FSTL5: variants seen among roughly 807,000 people sequenced by gnomAD.
FSTL5 encodes follistatin like 5, also known as follistatin-related protein 5.
Under a neutral mutation model 89.1 loss-of-function variants are expected in FSTL5, and 62 were observed. That is an observed-to-expected ratio of 0.70 (90% CI 0.57 to 0.86). The LOEUF (loss-of-function observed/expected upper bound fraction) is 0.86. Among genes scored for constraint, FSTL5 ranks in the 40% least tolerant of loss-of-function variants. The pLI is 0.00. For synonymous variants in FSTL5, 383 were observed against 346.2 expected, an observed-to-expected ratio of 1.11 and a Z score of -1.18; for missense variants, 1,057 against 1,001.6, an observed-to-expected ratio of 1.06 and a Z score of -0.75.
intron 15 of FSTL5, among the ~76,000 whole-genome samples, chr4:161,404,816 A>C (rs945897060): frequency 4.6e-5 from 7 of 152,028 alleles, no homozygotes; most frequent in Admixed American, 1.3e-4. Context: ...AAAGTTATGC[A>C]ATATATAAAA....
chr4:161,656,469 T>C lies in FSTL5; in HGVS notation c.753A>G (p.Glu251=), dbSNP rs1385078566. The stretch of plus-strand genomic sequence containing the variant: ...CTGCAGTGATGCTTAGTTTCTGATC[T>C]TCTGGCAGACTCAACTGGATCACTT... ...AFQVIQLSLP[E]DQKLSITAAT... The change falls in exon 7 of 16, where the codon GAA becomes GAG. Residue 251 remains glutamate, a synonymous_variant. Coordinates refer to ENST00000306100, the MANE Select transcript of FSTL5 (RefSeq NM_020116.5). 6.3e-7 allele frequency: 1 copy of C among 1,595,030 alleles called. No individual in the cohort carries two copies. The highest frequency in any genetic ancestry group is 8.5e-7 in the Non-Finnish European group (1 of 1,171,786).
chr4:161,878,139 A>C (rs1304709406), intron 4 of FSTL5, among the ~76,000 whole-genome samples: 1 of 152,124 alleles, frequency 6.6e-6, no homozygotes, highest in African/African-American at 2.4e-5. Flanking sequence ...ACACGGAACT[A>C]AGTAACATCT....
chr4:161,665,953 AG>A (rs2126692584), intron 6 of FSTL5, among the ~76,000 whole-genome samples: 1 of 152,244 alleles, frequency 6.6e-6, no homozygotes, highest in East Asian at 1.9e-4. Flanking sequence ...TAGTTCAAGA[AG>A]GCCAGATAAT....
intron 6 of FSTL5, among the ~76,000 whole-genome samples, chr4:161,731,336 A>G (rs955632338): frequency 5.3e-5 from 8 of 151,744 alleles, no homozygotes; most frequent in African/African-American, 1.9e-4. Context: ...CCCAAATCTC[A>G]TCTTGAATTG....
At chr4:161,409,113 G>C (rs1369769399) in intron 15 of FSTL5, among the ~76,000 whole-genome samples, 2 of 152,130 alleles carry the variant, frequency 1.3e-5, no homozygotes, top group African/African-American at 4.8e-5. Context: ...ATAGCCATGA[G>C]ATTCACCAAG....
At chr4:161,639,890 G>A (rs990947272) in intron 7 of FSTL5, among the ~76,000 whole-genome samples, 20 of 152,180 alleles carry the variant, frequency 1.3e-4, no homozygotes, top group Non-Finnish European at 5.9e-5. Context: ...CATGTTGCAA[G>A]CTCCCCCTTC....
intron 10 of FSTL5, among the ~76,000 whole-genome samples, chr4:161,531,973 G>A (rs1485178818): frequency 6.6e-6 from 1 of 152,138 alleles, no homozygotes; most frequent in Non-Finnish European, 1.5e-5. Flanking sequence ...GGGAGGCCGA[G>A]ACGGGCGGAT....
At chr4:161,693,800 G>T (rs191997374) in intron 6 of FSTL5, among the ~76,000 whole-genome samples, 69 of 151,426 alleles carry the variant, frequency 4.6e-4, no homozygotes, top group Non-Finnish European at 8.7e-4. Context: ...CACCACGCCC[G>T]GCTACTTTTT....
chr4:161,556,009 G>A (rs1732375000), intron 8 of FSTL5, among the ~76,000 whole-genome samples: 1 of 151,630 alleles, frequency 6.6e-6, no homozygotes, highest in East Asian at 1.9e-4. Context: ...AGACTAGAGG[G>A]AGGAAGTGGA....
intron 3 of FSTL5, among the ~76,000 whole-genome samples, chr4:162,008,991 GAA>G (rs2111125215): frequency 6.6e-6 from 1 of 152,132 alleles, no homozygotes; most frequent in East Asian, 1.9e-4. Flanking sequence ...AATGGAAGAA[GAA>G]ATTTAAAAAT....
At chr4:161,729,479 T>G (rs1157020841) in intron 6 of FSTL5, among the ~76,000 whole-genome samples, 2 of 152,276 alleles carry the variant, frequency 1.3e-5, no homozygotes, top group East Asian at 3.9e-4. Flanking sequence ...TCTGCCCTCA[T>G]ACCTGACCTT....
intron 10 of FSTL5, among the ~76,000 whole-genome samples, chr4:161,531,681 T>C (rs1190253182): frequency 1.3e-5 from 2 of 152,180 alleles, no homozygotes; most frequent in Non-Finnish European, 2.9e-5. Context: ...ATATATACAC[T>C]AAATAATAAA....
intron 13 of FSTL5, among the ~76,000 whole-genome samples, chr4:161,464,060 G>A (rs1292198212): frequency 1.3e-5 from 2 of 151,760 alleles, no homozygotes; most frequent in Non-Finnish European, 2.9e-5. Context: ...GTCAGTTTTT[G>A]GAATAGACAA....
At chr4:161,911,816 C>T (rs955239767) in intron 4 of FSTL5, among the ~76,000 whole-genome samples, 40 of 152,216 alleles carry the variant, frequency 2.6e-4, no homozygotes, top group African/African-American at 8.9e-4. Flanking sequence ...AGCAATATTG[C>T]TAATTATTCA....
intron 15 of FSTL5, among the ~76,000 whole-genome samples, chr4:161,442,008 AACCAACTAATTTATAGTT>A (rs1194835669): frequency 1.3e-5 from 2 of 152,088 alleles, no homozygotes; most frequent in Admixed American, 6.6e-5. Flanking sequence ...ACTTCAGCTT[AACCAACTAATTTATAGTT>A]ACCAACTAAT....
chr4:161,723,722 T>G (rs1739294654), intron 6 of FSTL5, among the ~76,000 whole-genome samples: 1 of 152,166 alleles, frequency 6.6e-6, no homozygotes, highest in African/African-American at 2.4e-5. Context: ...ACTAACACTA[T>G]CCAGTGTCAT....
intron 6 of FSTL5, among the ~76,000 whole-genome samples, chr4:161,680,394 C>T (rs1331723303): frequency 6.6e-6 from 1 of 151,898 alleles, no homozygotes; most frequent in Non-Finnish European, 1.5e-5. Flanking sequence ...TACAACCTTT[C>T]CATCTCCCTA....
intron 8 of FSTL5, among the ~76,000 whole-genome samples, chr4:161,564,755 C>G (rs1313937922): frequency 1.3e-5 from 2 of 151,580 alleles, no homozygotes; most frequent in African/African-American, 4.8e-5. Context: ...CTCAGAGTAG[C>G]ATTTGTAGGG....
chr4:161,497,003 A>G (rs547408237), intron 12 of FSTL5, among the ~76,000 whole-genome samples: 372 of 152,288 alleles, frequency 2.4e-3, no homozygotes, highest in African/African-American at 8.2e-3. Context: ...TTGGAATTAG[A>G]AATATATTAT....
Sources: allele counts gnomAD v4.1 joint callset (sites outside exome capture counted in the v4.1 genomes callset), GRCh38; gene constraint gnomAD v4.1.1; transcripts MANE v1.5; gene names NCBI Gene and HGNC (gene_info 2026-07-23, HGNC 2026-07-21).